PPARGC1A: variants seen among roughly 807,000 people sequenced by gnomAD.
PPARGC1A encodes the protein PPARG coactivator 1 alpha.
Under a neutral mutation model 88.7 loss-of-function variants are expected in PPARGC1A, and 25 were observed. The observed-to-expected ratio is 0.28, with a 90% confidence interval of 0.21 to 0.39. PPARGC1A has a LOEUF of 0.39. PPARGC1A is among the 10% of genes least tolerant of loss of function. The probability of loss-of-function intolerance (pLI) is 1.00; values close to 1 mark genes in which losing one functional copy is unlikely to be tolerated. For synonymous variants in PPARGC1A, 363 were observed against 355.6 expected (o/e 1.02, Z -0.24); for missense variants, 880 against 968.7 (o/e 0.91, Z 1.22).
upstream of PPARGC1A, among the ~76,000 whole-genome samples, chr4:23,902,768 G>A (rs937380646): frequency 5.3e-5 from 8 of 152,220 alleles, no homozygotes; most frequent in African/African-American, 9.6e-5. Context: ...AAATGCACCC[G>A]CCTCTCTCTT....
chr4:24,333,436 C>T, the PPARGC1A span, among the ~76,000 whole-genome samples: 1 of 152,202 alleles, frequency 6.6e-6, no homozygotes, highest in Non-Finnish European at 1.5e-5. Flanking sequence ...ACTCAATCTG[C>T]AAAGTTTTTC....
the PPARGC1A span, among the ~76,000 whole-genome samples, chr4:23,941,990 T>C: frequency 6.6e-6 from 1 of 152,076 alleles, no homozygotes; most frequent in African/African-American, 2.4e-5. Flanking sequence ...TACTTTAAAC[T>C]GGATAGGCTT....
the PPARGC1A span, among the ~76,000 whole-genome samples, chr4:24,305,673 G>A: frequency 1.3e-5 from 2 of 152,144 alleles, no homozygotes; most frequent in Non-Finnish European, 2.9e-5. Flanking sequence ...TTAGCCGGAT[G>A]TGGTGGCACA....
At chr4:24,193,825 G>A in the PPARGC1A span, among the ~76,000 whole-genome samples, 12 of 152,180 alleles carry the variant, frequency 7.9e-5, no homozygotes, top group South Asian at 6.2e-4. Flanking sequence ...GAGCAGAAAC[G>A]TGCTCAAGAG....
the PPARGC1A span, among the ~76,000 whole-genome samples, chr4:24,072,309 T>C: frequency 6.6e-6 from 1 of 151,712 alleles, no homozygotes; most frequent in East Asian, 1.9e-4. Flanking sequence ...ATACTTCCAA[T>C]TCATATCTGG....
the PPARGC1A span, among the ~76,000 whole-genome samples, chr4:23,925,245 A>T: frequency 6.6e-6 from 1 of 152,218 alleles, no homozygotes; most frequent in South Asian, 2.1e-4. Context: ...TGTCATTATC[A>T]ATCAATCTAG....
At chr4:23,888,783 C>G (rs564280602) in intron 1 of PPARGC1A, among the ~76,000 whole-genome samples, 1 of 152,298 alleles carries the variant, frequency 6.6e-6, no homozygotes, top group East Asian at 1.9e-4. Flanking sequence ...ATCGCTGCAC[C>G]ACATGGACAT....
the PPARGC1A span, among the ~76,000 whole-genome samples, chr4:24,094,816 G>GT: frequency 6.6e-6 from 1 of 152,086 alleles, no homozygotes; most frequent in African/African-American, 2.4e-5. Flanking sequence ...AAAAGAATAG[G>GT]TTTTTTTCTT....
At chr4:23,969,778 C>T in the PPARGC1A span, among the ~76,000 whole-genome samples, 30 of 152,138 alleles carry the variant, frequency 2.0e-4, no homozygotes, top group African/African-American at 3.9e-4. Flanking sequence ...AACCCACACA[C>T]GTTGGGAGTT....
the PPARGC1A span, among the ~76,000 whole-genome samples, chr4:23,913,755 A>AT: frequency 5.1e-3 from 771 of 150,848 alleles, 39 homozygotes; most frequent in East Asian, 0.11. Context: ...GCAGGTGGGA[A>AT]TTTTTTTTTT....
chr4:24,396,622 C>T, the PPARGC1A span, among the ~76,000 whole-genome samples: 8 of 151,976 alleles, frequency 5.3e-5, no homozygotes, highest in Non-Finnish European at 1.2e-4. Flanking sequence ...TAGGATGTCT[C>T]CCATTTTTTT....
the PPARGC1A span, among the ~76,000 whole-genome samples, chr4:23,930,002 C>A: frequency 6.6e-6 from 1 of 152,090 alleles, no homozygotes; most frequent in South Asian, 2.1e-4. Flanking sequence ...TTCAACCTCT[C>A]CTATAGATTT....
chr4:24,276,089 G>A, the PPARGC1A span, among the ~76,000 whole-genome samples: 1 of 152,198 alleles, frequency 6.6e-6, no homozygotes, highest in Non-Finnish European at 1.5e-5. Context: ...AGGAAGCAGA[G>A]GGAGGACTTA....
At chr4:24,269,198 G>T in the PPARGC1A span, among the ~76,000 whole-genome samples, 1 of 152,070 alleles carries the variant, frequency 6.6e-6, no homozygotes, top group Non-Finnish European at 1.5e-5. Flanking sequence ...TTTAGTCATT[G>T]AAATATCAAT....
chr4:24,138,423 C>T, the PPARGC1A span, among the ~76,000 whole-genome samples: 1 of 152,084 alleles, frequency 6.6e-6, no homozygotes, highest in Admixed American at 6.5e-5. Flanking sequence ...TTAGATACAC[C>T]AGGGTATACA....
At chr4:24,065,961 TG>T in the PPARGC1A span, among the ~76,000 whole-genome samples, 1 of 152,176 alleles carries the variant, frequency 6.6e-6, no homozygotes, top group African/African-American at 2.4e-5. Context: ...GCAACTTGCC[TG>T]GGAGATACTA....
At chr4:23,942,176 GCATGTTCTAAAACTGTAC>G in the PPARGC1A span, among the ~76,000 whole-genome samples, 2 of 152,092 alleles carry the variant, frequency 1.3e-5, no homozygotes, top group African/African-American at 4.8e-5. Context: ...AGCAATCCAT[GCATGTTCTAAAACTGTAC>G]CATCAACATC....
rs542146598 is a variant in PPARGC1A, at chr4:23,829,521, C to G, written c.494G>C (p.Ser165Thr). Residue 165 changes from serine to threonine, a missense_variant, in exon 4 of 13, where the codon AGT becomes ACT. Ser to Thr is a moderately conservative substitution (Grantham distance 58). Transcript: ENST00000264867. ...QLSYNECSGLSTQNHANHNHR... is the reference protein window; with the variant it reads ...QLSYNECSGLTTQNHANHNHR... Reference sequence around the variant, plus strand: ...ATTGTGATTTGCATGGTTCTGGGTACTGAGACCACTGCATTCATTATAACT... The same window carrying G: ...ATTGTGATTTGCATGGTTCTGGGTAGTGAGACCACTGCATTCATTATAACT... 1 of 1,613,374 alleles carries G rather than the reference C, an allele frequency of 6.2e-7. No individual in the cohort carries two copies. The highest frequency in any genetic ancestry group is 8.5e-7 in the Non-Finnish European group (1 of 1,179,384).
At chr4:24,087,159 A>G in the PPARGC1A span, among the ~76,000 whole-genome samples, 1 of 152,196 alleles carries the variant, frequency 6.6e-6, no homozygotes, top group South Asian at 2.1e-4. Flanking sequence ...AAAGGTAGAA[A>G]GCTGAACTGG....
Sources: gnomAD v4.1 joint callset for allele counts (sites outside exome capture counted in the v4.1 genomes callset) on GRCh38, gnomAD v4.1.1 for gene constraint, MANE v1.5 for transcripts, NCBI Gene and HGNC (gene_info 2026-07-23, HGNC 2026-07-21) for gene names.